LUZP2: variants seen among roughly 807,000 people sequenced by gnomAD.
LUZP2 encodes leucine zipper protein 2.
A neutral mutation model predicts 51.6 loss-of-function variants in LUZP2; 52 were observed. The observed-to-expected ratio is 1.01, with a 90% CI of 0.81 to 1.27. LUZP2 has a LOEUF of 1.27. Ranked by LOEUF, LUZP2 falls within the 50% of genes most tolerant of loss-of-function variation. The probability of loss-of-function intolerance (pLI) is 0.00; values close to 1 mark genes in which losing one functional copy is unlikely to be tolerated. For missense variants in LUZP2, 436 were observed against 395.4 expected, an observed-to-expected ratio of 1.10 and a Z score of -0.87; for synonymous variants, 154 against 137.3, an observed-to-expected ratio of 1.12 and a Z score of -0.85.
intron 1 of LUZP2, among the ~76,000 whole-genome samples, chr11:24,623,212 C>T (rs1288683512): frequency 6.6e-6 from 1 of 151,202 alleles, no homozygotes; most frequent in Non-Finnish European, 1.5e-5. Flanking sequence ...ACCACATTCT[C>T]AGAGTAGGCT....
At chr11:24,964,224 A>T (rs533920825) in intron 7 of LUZP2, among the ~76,000 whole-genome samples, 2 of 152,302 alleles carry the variant, frequency 1.3e-5, no homozygotes, top group South Asian at 4.1e-4. Flanking sequence ...GAGAATATTT[A>T]GATGTTAATT....
intron 7 of LUZP2, among the ~76,000 whole-genome samples, chr11:24,943,396 C>A (rs1331253164): frequency 1.3e-5 from 2 of 151,698 alleles, no homozygotes; most frequent in Admixed American, 1.3e-4. Context: ...CTCTTTGGTT[C>A]AATTAGGAAA....
At chr11:24,638,878 C>T (rs1280287753) in intron 1 of LUZP2, among the ~76,000 whole-genome samples, 1 of 151,174 alleles carries the variant, frequency 6.6e-6, no homozygotes, top group Non-Finnish European at 1.5e-5. Flanking sequence ...AAAGAAAAGA[C>T]AATTAATTCT....
At chr11:24,933,549 A>G (rs907060662) in intron 7 of LUZP2, among the ~76,000 whole-genome samples, 2 of 152,210 alleles carry the variant, frequency 1.3e-5, no homozygotes, top group Admixed American at 6.5e-5. Flanking sequence ...CTATTTGACC[A>G]TGATGCCTTC....
At chr11:24,665,158 A>G (rs1312233417) in intron 1 of LUZP2, among the ~76,000 whole-genome samples, 1 of 152,222 alleles carries the variant, frequency 6.6e-6, no homozygotes, top group Non-Finnish European at 1.5e-5. Context: ...GATGTGAAAC[A>G]TGGAGTCAAA....
chr11:24,881,685 G>C (rs1852474546), intron 5 of LUZP2, among the ~76,000 whole-genome samples: 1 of 151,784 alleles, frequency 6.6e-6, no homozygotes, highest in Non-Finnish European at 1.5e-5. Flanking sequence ...AATTTCAACA[G>C]AAATACAAAT....
At chr11:24,744,159 T>G (rs1423135272) in intron 4 of LUZP2, among the ~76,000 whole-genome samples, 1 of 152,126 alleles carries the variant, frequency 6.6e-6, no homozygotes, top group Non-Finnish European at 1.5e-5. Flanking sequence ...TGAAGGATAT[T>G]GGTCTGTAGT....
chr11:24,657,085 T>C (rs867400177), intron 1 of LUZP2, among the ~76,000 whole-genome samples: 1 of 152,132 alleles, frequency 6.6e-6, no homozygotes, highest in Middle Eastern at 3.2e-3. Context: ...CTGACTTGAT[T>C]TGCATTATTT....
chr11:25,008,470 C>T (rs1856895789), intron 9 of LUZP2, among the ~76,000 whole-genome samples: 1 of 152,172 alleles, frequency 6.6e-6, no homozygotes, highest in East Asian at 1.9e-4. Flanking sequence ...TTGTTCCCAT[C>T]ACCTGCAGTG....
chr11:24,923,069 C>T (rs1174718352), intron 7 of LUZP2, among the ~76,000 whole-genome samples: 13 of 151,528 alleles, frequency 8.6e-5, no homozygotes, highest in African/African-American at 2.9e-4. Context: ...AGGATGGTCT[C>T]GATCTCCTGA....
At chr11:24,791,217 G>A (rs566211216) in intron 5 of LUZP2, among the ~76,000 whole-genome samples, 2 of 152,102 alleles carry the variant, frequency 1.3e-5, no homozygotes, top group African/African-American at 4.8e-5. Flanking sequence ...AAATATTACA[G>A]ATCCAAGCTA....
chr11:25,002,503 C>T (rs572159895), intron 9 of LUZP2, among the ~76,000 whole-genome samples: 12 of 152,266 alleles, frequency 7.9e-5, no homozygotes, highest in Admixed American at 2.6e-4. Context: ...TGTCTGATAT[C>T]CATAAACTTC....
chr11:24,974,580 G>A (rs1855834196), intron 7 of LUZP2, among the ~76,000 whole-genome samples: 1 of 152,022 alleles, frequency 6.6e-6, no homozygotes, highest in Non-Finnish European at 1.5e-5. Flanking sequence ...TGAAATACAT[G>A]TGATTTAAAT....
Position 25,081,625 on chromosome 11 carries a change from A to G in LUZP2, c.*2967A>G, listed in dbSNP as rs1859461866. 6.6e-6 allele frequency: 1 copy of G among 152,116 alleles called. No individual in the cohort carries two copies. The highest frequency in any genetic ancestry group is 2.1e-4 in the South Asian group (1 of 4,834). The allele number at this position is 152,116 out of a possible 1,614,324, so 9.4% of individuals were successfully genotyped here. On this transcript the variant is annotated 3_prime_UTR_variant, in exon 12 of 12. Transcript: ENST00000336930. ...TTACATTTGTGAATGTGTCTATGAG[A>G]GAGGGGCCATTTCTCACATATTTTA... is the stretch of plus-strand genomic sequence containing the variant.
chr11:25,050,672 C>A (rs1463302761), intron 10 of LUZP2, among the ~76,000 whole-genome samples: 1 of 152,050 alleles, frequency 6.6e-6, no homozygotes, highest in Non-Finnish European at 1.5e-5. Context: ...CTTAGGACAA[C>A]TGTGAATATG....
chr11:24,965,604 A>G (rs895038635), intron 7 of LUZP2, among the ~76,000 whole-genome samples: 2 of 151,858 alleles, frequency 1.3e-5, no homozygotes, highest in Admixed American at 6.6e-5. Flanking sequence ...CAAAATTTAG[A>G]AAGTGTCTGT....
intron 1 of LUZP2, among the ~76,000 whole-genome samples, chr11:24,723,003 G>T (rs1858335675): frequency 6.6e-6 from 1 of 152,046 alleles, no homozygotes; most frequent in Non-Finnish European, 1.5e-5. Context: ...AAGGGCTCAT[G>T]TGTGGAATGT....
intron 11 of LUZP2, among the ~76,000 whole-genome samples, chr11:25,078,325 A>C (rs1859375799): frequency 6.6e-6 from 1 of 152,228 alleles, no homozygotes; most frequent in South Asian, 2.1e-4. Flanking sequence ...AGTTTTTTCA[A>C]AATAGTTTTT....
intron 1 of LUZP2, among the ~76,000 whole-genome samples, chr11:24,684,975 T>C (rs1299053513): frequency 2.0e-5 from 3 of 152,098 alleles, no homozygotes; most frequent in Non-Finnish European, 4.4e-5. Flanking sequence ...TCTCTTAAAG[T>C]GGATGCTTAT....
Sources: allele counts gnomAD v4.1 joint callset (sites outside exome capture counted in the v4.1 genomes callset), GRCh38; gene constraint gnomAD v4.1.1; transcripts MANE v1.5; gene names NCBI Gene and HGNC (gene_info 2026-07-23, HGNC 2026-07-21).